METTL24: variants seen among roughly 807,000 people sequenced by gnomAD.
METTL24 encodes methyltransferase like 24.
Under a neutral mutation model 32.7 loss-of-function variants are expected in METTL24, and 29 were observed. The observed-to-expected ratio is 0.89, with a 90% confidence interval of 0.66 to 1.21. The LOEUF (loss-of-function observed/expected upper bound fraction) is 1.21. METTL24 is among the 50% of genes most tolerant of loss of function. The probability of loss-of-function intolerance (pLI) is 0.00; values close to 1 mark genes in which losing one functional copy is unlikely to be tolerated. For synonymous variants in METTL24, 163 were observed against 179.5 expected (o/e 0.91, Z 0.73); for missense variants, 439 against 468.1 (o/e 0.94, Z 0.57).
chr6:110,262,690 C>G (rs973987207), intron 4 of METTL24, among the ~76,000 whole-genome samples: 1 of 152,218 alleles, frequency 6.6e-6, no homozygotes, highest in Non-Finnish European at 1.5e-5. Flanking sequence ...AGAGCAATAT[C>G]CTTGATGAAC....
rs562817935 is a variant in METTL24, at chr6:110,315,273, T to C, written c.557+69A>G. 6.4e-6 allele frequency: 10 copies of C among 1,563,968 alleles called. No homozygotes were observed. The South Asian group carries it at 6.9e-5, about 11-fold the overall frequency. ...AACTGCAACCATTTCTAACTTTGTA[T>C]TGCTGAAAAGGTCTGAGCTGCCTGA... On this transcript the variant is annotated intron_variant, in intron 3 of 4. Coordinates refer to ENST00000338882, the MANE Select transcript of METTL24 (RefSeq NM_001123364.3).
At chr6:110,255,762 A>C (rs1468009797) in intron 4 of METTL24, among the ~76,000 whole-genome samples, 2 of 152,188 alleles carry the variant, frequency 1.3e-5, no homozygotes, top group African/African-American at 4.8e-5. Context: ...ATGATTCCTA[A>C]ATGAATAGAT....
At chr6:110,302,405 T>C (rs912951885) in intron 3 of METTL24, among the ~76,000 whole-genome samples, 1 of 149,326 alleles carries the variant, frequency 6.7e-6, no homozygotes, top group Non-Finnish European at 1.5e-5. Context: ...GGAACAATAT[T>C]GAGGTATATA....
chr6:110,315,457 C>CT lies in METTL24; in HGVS notation c.441dup (p.Asp148ArgfsTer6), dbSNP rs1358930246. ...GGACTAGAGTCAGTAGCCAGGCTGT[C>CT]TGTATTCATGTGATTGCATGCAATC... On this transcript the variant is annotated frameshift_variant, in exon 3 of 5. Coordinates refer to ENST00000338882, the MANE Select transcript of METTL24 (RefSeq NM_001123364.3). LOFTEE classifies it high-confidence loss of function. 1.9e-6 allele frequency: 3 copies of CT among 1,613,916 alleles called. No individual in the cohort carries two copies. Among genetic ancestry groups the CT allele is most frequent in the African/African-American group, 2.7e-5 (2 of 74,880 alleles).
At chr6:110,308,281 T>C (rs575578323) in intron 3 of METTL24, among the ~76,000 whole-genome samples, 2 of 152,332 alleles carry the variant, frequency 1.3e-5, no homozygotes, top group East Asian at 3.9e-4. Flanking sequence ...TTAACACTGC[T>C]GAAGGGCAGA....
chr6:110,331,495 C>T (rs1348734390), intron 1 of METTL24, among the ~76,000 whole-genome samples: 1 of 151,596 alleles, frequency 6.6e-6, no homozygotes, highest in South Asian at 2.1e-4. Context: ...CCTGTCTCTA[C>T]AAAAATATAA....
At chr6:110,285,094 CA>C (rs1329489691) in intron 4 of METTL24, among the ~76,000 whole-genome samples, 3 of 152,236 alleles carry the variant, frequency 2.0e-5, no homozygotes, top group African/African-American at 4.8e-5. Context: ...CATCTGTTAG[CA>C]GGCTTGTCAC....
intron 2 of METTL24, among the ~76,000 whole-genome samples, chr6:110,316,908 G>GAAAGA (rs568057625): frequency 2.6e-5 from 4 of 151,740 alleles, no homozygotes; most frequent in Non-Finnish European, 5.9e-5. Flanking sequence ...ATAAAAGAAA[G>GAAAGA]AAAGAAAAGA....
chr6:110,259,149 G>T (rs139733181), intron 4 of METTL24, among the ~76,000 whole-genome samples: 299 of 152,238 alleles, frequency 2.0e-3, no homozygotes, highest in African/African-American at 6.9e-3. Context: ...TACCAAGTGT[G>T]AGCCAAAGCA....
chr6:110,252,685 T>G lies in METTL24; in HGVS notation c.787-6425A>C, dbSNP rs115645272. 4.4e-3 allele frequency among the ~76,000 whole-genome samples: 669 copies of G among 152,306 alleles called. 2 individuals carry two copies. Among genetic ancestry groups the G allele is most frequent in the African/African-American group, 0.015 (640 of 41,566 alleles). On this transcript the variant is annotated intron_variant, in intron 4 of 4. Coordinates refer to ENST00000338882, the MANE Select transcript of METTL24 (RefSeq NM_001123364.3). Reference sequence around the variant, plus strand: ...AATGGCTAACTCTGGTTTTAGCTAGTAAAAGTGTGAGCCATCAAATTAATT... The same window carrying G: ...AATGGCTAACTCTGGTTTTAGCTAGGAAAAGTGTGAGCCATCAAATTAATT...
intron 4 of METTL24, among the ~76,000 whole-genome samples, chr6:110,278,787 C>T (rs573029501): frequency 2.0e-5 from 3 of 152,116 alleles, no homozygotes; most frequent in South Asian, 2.1e-4. Context: ...TTTGGGAGGC[C>T]GAAGTGGGAA....
intron 4 of METTL24, among the ~76,000 whole-genome samples, chr6:110,297,577 G>C (rs1771442387): frequency 6.6e-6 from 1 of 152,046 alleles, no homozygotes; most frequent in African/African-American, 2.4e-5. Context: ...ATCTAAAGTT[G>C]ACATATTAGA....
At chr6:110,290,246 C>T (rs980395301) in intron 4 of METTL24, among the ~76,000 whole-genome samples, 1 of 152,044 alleles carries the variant, frequency 6.6e-6, no homozygotes, top group South Asian at 2.1e-4. Context: ...ATGTATATAC[C>T]CATGTAACCA....
At chr6:110,301,519 C>T (rs975496707) in intron 3 of METTL24, among the ~76,000 whole-genome samples, 1 of 152,184 alleles carries the variant, frequency 6.6e-6, no homozygotes, top group Admixed American at 6.5e-5. Context: ...ACACTGTCAT[C>T]ATGATAAAAA....
chr6:110,266,206 G>GA (rs142882560), intron 4 of METTL24, among the ~76,000 whole-genome samples: 9,441 of 147,956 alleles, frequency 0.064, 367 homozygotes, highest in South Asian at 0.16. Flanking sequence ...TGTCTGGCAG[G>GA]AAAAAAAAAA....
At position 110,344,504 on chromosome 6, in the gene METTL24, A is replaced by G. The variant is rs372173862; in HGVS notation, c.318+13451T>C. ...GAATATTATTAATAAATAGGTAGTT[A>G]TATAAAAAGATAAATTTCTACAACT... On this transcript the variant is annotated intron_variant, in intron 1 of 4. Coordinates refer to ENST00000338882, the MANE Select transcript of METTL24 (RefSeq NM_001123364.3). 7.9e-5 allele frequency among the ~76,000 whole-genome samples: 12 copies of G among 152,332 alleles called. No individual in the cohort carries two copies. The East Asian group carries it at 2.1e-3, about 27-fold the overall frequency.
At chr6:110,353,885 C>G (rs1364319719) in intron 1 of METTL24, among the ~76,000 whole-genome samples, 2 of 151,918 alleles carry the variant, frequency 1.3e-5, no homozygotes, top group Admixed American at 1.3e-4. Context: ...CTATAAATCC[C>G]TTCAAAAAGA....
At chr6:110,329,771 T>C (rs1438905968) in intron 1 of METTL24, among the ~76,000 whole-genome samples, 2 of 152,194 alleles carry the variant, frequency 1.3e-5, no homozygotes, top group African/African-American at 4.8e-5. Flanking sequence ...CAGTGATGTT[T>C]AAAATTCAGG....
At chr6:110,329,546 A>G (rs922286187) in intron 1 of METTL24, among the ~76,000 whole-genome samples, 12 of 152,096 alleles carry the variant, frequency 7.9e-5, no homozygotes, top group African/African-American at 2.7e-4. Flanking sequence ...ACAAAATGGT[A>G]TCTGGACAGA....
Sources: allele counts gnomAD v4.1 joint callset (sites outside exome capture counted in the v4.1 genomes callset), GRCh38; gene constraint gnomAD v4.1.1; transcripts MANE v1.5; gene names NCBI Gene and HGNC (gene_info 2026-07-23, HGNC 2026-07-21).